ANKAR: variants seen among roughly 807,000 people sequenced by gnomAD.
ANKAR encodes ankyrin and armadillo repeat containing.
Under a neutral mutation model 146.2 loss-of-function variants are expected in ANKAR, and 136 were observed. That is an observed-to-expected ratio of 0.93 (90% CI 0.81 to 1.07). The LOEUF (loss-of-function observed/expected upper bound fraction) is 1.07, where lower values mean the gene tolerates loss of function less well. ANKAR is among the 50% of genes least tolerant of loss of function. The pLI is 0.00. For missense variants in ANKAR, 1,567 were observed against 1,679.9 expected (o/e 0.93, Z 1.18); for synonymous variants, 500 against 575.8 (o/e 0.87, Z 1.88).
downstream of ANKAR, chr2:189,750,685 T>G (rs757797833): frequency 2.6e-6 from 4 of 1,524,670 alleles, no homozygotes; most frequent in Non-Finnish European, 3.5e-6. Context: ...AATCGTATTA[T>G]TTATTTGCTT....
chr2:189,677,446 C>T (rs1029638770), intron 2 of ANKAR, among the ~76,000 whole-genome samples: 3 of 152,056 alleles, frequency 2.0e-5, no homozygotes, highest in Admixed American at 2.0e-4. Context: ...TTTCTTCCTA[C>T]CTTTCCTCTA....
chr2:189,720,410 G>A (rs776352047), intron 11 of ANKAR, among the ~76,000 whole-genome samples: 9 of 152,050 alleles, frequency 5.9e-5, no homozygotes, highest in Non-Finnish European at 1.2e-4. Context: ...ACCACGCCTG[G>A]CTAATTTTTG....
At position 189,719,828 on chromosome 2, in the gene ANKAR, T is replaced by C; in HGVS notation, c.2466+15T>C. 6.5e-7 allele frequency: 1 copy of C among 1,537,712 alleles called. No individual in the cohort carries two copies. Among genetic ancestry groups the C allele is most frequent in the Non-Finnish European group, 8.9e-7 (1 of 1,127,732 alleles). ...TTGCCAAATATGTAAGTTCCTTTCA[T>C]ATACAATTATTTTTGACTGACAATA... On this transcript the variant is annotated intron_variant, in intron 11 of 22. Transcript: ENST00000684021.
At chr2:189,719,941 G>A (rs1486359059) in intron 11 of ANKAR, 128 bp downstream of exon 11, 31 of 1,070,720 alleles carry the variant, frequency 2.9e-5, no homozygotes, top group Non-Finnish European at 3.8e-5. Context: ...AGGGAAAAGG[G>A]AGAGAGGGTG....
intron 17 of ANKAR, 43 bp downstream of exon 17, chr2:189,733,272 G>A: frequency 6.6e-7 from 1 of 1,522,112 alleles, no homozygotes; most frequent in Non-Finnish European, 8.9e-7. Flanking sequence ...TGAAAAAAAT[G>A]GTTTTTATAC....
intron 18 of ANKAR, among the ~76,000 whole-genome samples, chr2:189,760,516 G>A (rs1056472191): frequency 6.6e-6 from 1 of 152,202 alleles, no homozygotes; most frequent in Non-Finnish European, 1.5e-5. Context: ...TTTCCAGCCC[G>A]GCGCGGTGTC....
chr2:189,728,390 T>C lies in ANKAR; in HGVS notation c.3001T>C (p.Leu1001=). ...ATACAGCTTTATAATAAATATGCTTTTGTCACCATCAGCTAAAATGCAGTA... is the reference window on the plus strand; with the variant it reads ...ATACAGCTTTATAATAAATATGCTTCTGTCACCATCAGCTAAAATGCAGTA... ...IGYSFIINML[L]SPSAKMQYVG... The change falls in exon 14 of 23, where the codon TTG becomes CTG. Residue 1001 remains leucine (L), a synonymous_variant. Coordinates refer to ENST00000684021, the MANE Select transcript of ANKAR (RefSeq NM_001378068.1). The C allele has an allele frequency of 1.2e-6, 2 of 1,603,494 alleles. No individual in the cohort carries two copies. The highest frequency in any genetic ancestry group is 1.7e-6 in the Non-Finnish European group (2 of 1,177,462).
At position 189,737,856 on chromosome 2, in the gene ANKAR, T is replaced by C; in HGVS notation, c.3582+15T>C. On this transcript the variant is annotated intron_variant, in intron 18 of 22. Coordinates refer to ENST00000684021, the MANE Select transcript of ANKAR (RefSeq NM_001378068.1). The stretch of plus-strand genomic sequence containing the variant: ...CAGCATTTCAGGTATAAAATTGAGA[T>C]TAACACCTCAAATTAATAAATATGT... 6.6e-7 allele frequency: 1 copy of C among 1,516,054 alleles called. No homozygotes were observed. Among genetic ancestry groups the C allele is most frequent in the Non-Finnish European group, 8.8e-7 (1 of 1,139,054 alleles). 93.9% of individuals were successfully genotyped at this position (1,516,054 alleles called of 1,614,324 possible).
chr2:189,753,184 C>T (rs1229046083), intron 18 of ANKAR: 2 of 342,410 alleles, frequency 5.8e-6, no homozygotes, highest in Admixed American at 4.4e-5. Flanking sequence ...ACATTACTAG[C>T]ATTTTTGTAT....
rs368475229 is a variant in ANKAR, at chr2:189,753,931, T to C, written c.*585-7167T>C. On this transcript the variant is annotated intron_variant and NMD_transcript_variant, in intron 18 of 18. Coordinates refer to the ANKAR transcript ENST00000441800. The stretch of plus-strand genomic sequence containing the variant: ...TAAAACTTACCAGTACTGCATTATT[T>C]TGAGGTAACAAGTCTCTCTGCTTAC... 4 of 1,613,480 alleles carry C rather than the reference T, an allele frequency of 2.5e-6. No homozygotes were observed. In the African/African-American group the frequency reaches 4.0e-5, roughly 16 times the overall value.
chr2:189,736,808 C>G (rs1248087098), intron 17 of ANKAR, among the ~76,000 whole-genome samples: 1 of 151,824 alleles, frequency 6.6e-6, no homozygotes, highest in Non-Finnish European at 1.5e-5. Context: ...TGTGGTGGTT[C>G]ATGTCTGTAA....
At chr2:189,688,027 A>T (rs2035860118) in intron 2 of ANKAR, among the ~76,000 whole-genome samples, 1 of 152,208 alleles carries the variant, frequency 6.6e-6, no homozygotes, top group Admixed American at 6.5e-5. Flanking sequence ...ATTACTCAAG[A>T]AATCTTTGTC....
chr2:189,746,392 G>A lies in ANKAR; in HGVS notation c.4070G>A (p.Arg1357Gln), dbSNP rs1376221117. The A allele has an allele frequency of 1.4e-5, 23 of 1,605,386 alleles. No individual in the cohort carries two copies. The highest frequency in any genetic ancestry group is 5.4e-5 in the African/African-American group (4 of 74,120). Residue 1357 changes from arginine (R) to glutamine (Q), a missense_variant, in exon 23 of 23, where the codon CGA becomes CAA. Arg to Gln is a conservative substitution (Grantham distance 43, BLOSUM62 1). Coordinates refer to ENST00000684021, the MANE Select transcript of ANKAR (RefSeq NM_001378068.1). ...GGCTAATTTTTAGGGAAGGAGCACC[G>A]AAGAAAATTAAAACCTAAAATTCAA... ...IPIFKRGKEH[R>Q]RKLKPKIQPK...
chr2:189,724,395 A>G (rs929851016), intron 12 of ANKAR, among the ~76,000 whole-genome samples: 7 of 152,036 alleles, frequency 4.6e-5, no homozygotes, highest in African/African-American at 7.2e-5. Flanking sequence ...TTACTTCCCT[A>G]CTTCAAGAGG....
chr2:189,710,602 C>G (rs2039555668), intron 9 of ANKAR, among the ~76,000 whole-genome samples: 1 of 152,102 alleles, frequency 6.6e-6, no homozygotes, highest in Non-Finnish European at 1.5e-5. Flanking sequence ...GAGTTTGAGA[C>G]CAGCCTGGGC....
At chr2:189,742,891 C>A (rs948094940) in intron 20 of ANKAR, among the ~76,000 whole-genome samples, 7 of 121,198 alleles carry the variant, frequency 5.8e-5, no homozygotes, top group Admixed American at 8.1e-5. Context: ...CACACACACA[C>A]ACTAGAATTA....
intron 20 of ANKAR, among the ~76,000 whole-genome samples, chr2:189,742,343 A>G (rs1354597751): frequency 6.6e-6 from 1 of 152,182 alleles, no homozygotes; most frequent in Non-Finnish European, 1.5e-5. Context: ...TGTTCATTCT[A>G]TGAAACTTTT....
chr2:189,715,076 A>G (rs911521596), intron 10 of ANKAR, among the ~76,000 whole-genome samples: 1 of 152,148 alleles, frequency 6.6e-6, no homozygotes. Flanking sequence ...AGAAGGTGAG[A>G]AATAACTAAG....
In ANKAR at chr2:189,728,412, A is replaced by C; in HGVS notation, c.3023A>C (p.Gln1008Pro). The change falls in exon 14 of 23, where the codon CAG becomes CCG. Residue 1008 changes from glutamine (Q) to proline (P), a missense_variant. Physicochemically the swap from Gln to Pro is moderately conservative, Grantham distance 76. Coordinates refer to ENST00000684021, the MANE Select transcript of ANKAR (RefSeq NM_001378068.1). ...CTTTTGTCACCATCAGCTAAAATGC[A>C]GTATGTTGGTAAGTTATTTTCCTTA... ...NMLLSPSAKM[Q>P]YVGGEAVIAL... 1 of 1,596,824 alleles carries C rather than the reference A, an allele frequency of 6.3e-7. No homozygotes were observed. The highest frequency in any genetic ancestry group is 8.5e-7 in the Non-Finnish European group (1 of 1,175,468).
Sources: allele counts gnomAD v4.1 joint callset (sites outside exome capture counted in the v4.1 genomes callset), GRCh38; gene constraint gnomAD v4.1.1; transcripts MANE v1.5; gene names NCBI Gene and HGNC (gene_info 2026-07-23, HGNC 2026-07-21).